WDSUB1: variants seen among roughly 807,000 people sequenced by gnomAD.
WDSUB1 encodes WD repeat, sterile alpha motif and U-box domain containing 1, also known as WD repeat, SAM and U-box domain-containing protein 1.
WDSUB1 carries 49 observed loss-of-function variants against 53.9 expected under a neutral mutation model. That is an observed-to-expected ratio of 0.91 (90% CI 0.72 to 1.15). The LOEUF (loss-of-function observed/expected upper bound fraction) is 1.15. Among genes scored for constraint, WDSUB1 ranks in the 50% most tolerant of loss-of-function variants. The pLI is 0.00. For synonymous variants in WDSUB1, 194 were observed against 200.6 expected (o/e 0.97, Z 0.28); for missense variants, 514 against 562.0 (o/e 0.91, Z 0.86).
rs148455296 is a variant in WDSUB1 at position 159,279,786 on chromosome 2, G to A, written c.558C>T (p.Cys186=). The change falls in exon 3 of 11, where the codon TGC becomes TGT. Residue 186 remains cysteine, a synonymous_variant. Transcript: ENST00000359774. ...CAGAAACTGGCTGTGAAGAAAAATC[G>A]CAGCAGGTAATTCCAAGATCATGTG... ...EKAHDLGITC[C]DFSSQPVSDG... 3.1e-5 allele frequency: 49 copies of A among 1,601,362 alleles called. No homozygotes were observed. The highest frequency in any genetic ancestry group is 2.5e-4 in the African/African-American group (19 of 74,626).
rs372738346 is a variant in WDSUB1 at position 159,271,801 on chromosome 2, A to G, written c.677-6T>C. ...TTTATATTTTAATTCAAAACCTGCA[A>G]ATAACAAGGTAACAGAGATTAGAAA... On this transcript the variant is annotated splice_polypyrimidine_tract_variant and splice_region_variant and intron_variant, in intron 4 of 10. Coordinates refer to ENST00000359774, the MANE Select transcript of WDSUB1 (RefSeq NM_001128212.3). 7.5e-6 allele frequency: 12 copies of G among 1,610,362 alleles called. No individual in the cohort carries two copies. The highest frequency in any genetic ancestry group is 6.7e-5 in the Admixed American group (4 of 59,908).
chr2:159,283,988 G>C (rs2061733477), intron 1 of WDSUB1, among the ~76,000 whole-genome samples: 1 of 151,954 alleles, frequency 6.6e-6, no homozygotes, highest in Non-Finnish European at 1.5e-5. Flanking sequence ...CTAATTTTTT[G>C]TATTTTTAGT....
At chr2:159,250,800 TG>T (rs1344274880) in intron 9 of WDSUB1, among the ~76,000 whole-genome samples, 1 of 151,948 alleles carries the variant, frequency 6.6e-6, no homozygotes, top group Non-Finnish European at 1.5e-5. Context: ...TTTGCTGAAG[TG>T]GGGTATTAGA....
chr2:159,283,820 G>A (rs2061730014), intron 1 of WDSUB1, among the ~76,000 whole-genome samples: 1 of 151,968 alleles, frequency 6.6e-6, no homozygotes, highest in Non-Finnish European at 1.5e-5. Context: ...TTTTGTTTTT[G>A]TTTTGTTTTG....
At chr2:159,274,811 C>T (rs1330083625) in intron 4 of WDSUB1, among the ~76,000 whole-genome samples, 1 of 152,138 alleles carries the variant, frequency 6.6e-6, no homozygotes, top group African/African-American at 2.4e-5. Context: ...AAACAAAGAT[C>T]AGAAAACAGA....
chr2:159,282,622 A>G (rs1246088810), intron 2 of WDSUB1, 50 bp downstream of exon 2: 2 of 1,548,442 alleles, frequency 1.3e-6, no homozygotes, highest in South Asian at 2.4e-5. Flanking sequence ...GTTTTTTTTA[A>G]GTACACCTAG....
Position 159,236,917 on chromosome 2 carries a change from G to A in WDSUB1, c.1274-727C>T, listed in dbSNP as rs116594515. Among the ~76,000 whole-genome samples, 154 of 152,088 alleles carry A rather than the reference G, an allele frequency of 1.0e-3. 1 individual carries two copies. The highest frequency in any genetic ancestry group is 3.5e-3 in the African/African-American group (147 of 41,502). ...ATTACAGGCATGAGCCACCATGCCCGGCCACCAAGGTTTTTTTAAAACCAT... is the reference window on the plus strand; with the variant it reads ...ATTACAGGCATGAGCCACCATGCCCAGCCACCAAGGTTTTTTTAAAACCAT... On this transcript the variant is annotated intron_variant, in intron 10 of 10. Transcript: ENST00000359774.
rs1271512935 is a variant in WDSUB1 at position 159,282,993 on chromosome 2, G to A, written c.77C>T (p.Ala26Val). 3.7e-6 allele frequency: 6 copies of A among 1,614,090 alleles called. No homozygotes were observed. The highest frequency in any genetic ancestry group is 5.1e-6 in the Non-Finnish European group (6 of 1,180,046). ...NCCAFSFSLL[A>V]TCSLDKTIRL... Reference sequence around the variant, plus strand: ...AATTGTTTTGTCCAAGGAGCAAGTAGCCAAGAGGGAAAAGGAGAAGGCACA... The same window carrying A: ...AATTGTTTTGTCCAAGGAGCAAGTAACCAAGAGGGAAAAGGAGAAGGCACA... The change falls in exon 2 of 11, where the codon GCT becomes GTT. Residue 26 changes from alanine to valine, a missense_variant. By Grantham distance (64) the Ala-to-Val change is moderately conservative. Transcript: ENST00000359774.
chr2:159,244,305 T>C (rs1346468796), intron 10 of WDSUB1, among the ~76,000 whole-genome samples: 2 of 151,744 alleles, frequency 1.3e-5, no homozygotes, highest in Non-Finnish European at 2.9e-5. Flanking sequence ...ATGAAGAAAG[T>C]CTATTAAGCT....
rs1219314980 is a variant in WDSUB1, at chr2:159,265,095, A to T, written c.771-5252T>A. On this transcript the variant is annotated intron_variant, in intron 5 of 10. Coordinates refer to ENST00000359774, the MANE Select transcript of WDSUB1 (RefSeq NM_001128212.3). The stretch of plus-strand genomic sequence containing the variant: ...GCGAAACTCCATCTCAAAAAAAAAA[A>T]AAAATAAAACAACAACAACAACAAC... 2.7e-4 allele frequency among the ~76,000 whole-genome samples: 40 copies of T among 146,012 alleles called. No individual in the cohort carries two copies. The South Asian group carries it at 4.2e-3, about 15-fold the overall frequency.
At chr2:159,262,981 G>A (rs1226720347) in intron 5 of WDSUB1, among the ~76,000 whole-genome samples, 1 of 152,088 alleles carries the variant, frequency 6.6e-6, no homozygotes, top group Non-Finnish European at 1.5e-5. Context: ...CATGAGGCAG[G>A]TATTCAACCT....
At chr2:159,264,697 C>T (rs1171426308) in intron 5 of WDSUB1, among the ~76,000 whole-genome samples, 1 of 152,112 alleles carries the variant, frequency 6.6e-6, no homozygotes, top group African/African-American at 2.4e-5. Flanking sequence ...CTGCAGTGGT[C>T]CATGCTGCCC....
intron 9 of WDSUB1, among the ~76,000 whole-genome samples, chr2:159,252,343 AC>A (rs2060968425): frequency 6.6e-6 from 1 of 152,208 alleles, no homozygotes; most frequent in African/African-American, 2.4e-5. Flanking sequence ...GACATTTCCA[AC>A]AAAACAAGAT....
intron 3 of WDSUB1, among the ~76,000 whole-genome samples, chr2:159,277,245 T>C (rs1292251185): frequency 6.6e-6 from 1 of 152,224 alleles, no homozygotes; most frequent in East Asian, 1.9e-4. Flanking sequence ...GTAGCATAGA[T>C]TTACCCAAAA....
chr2:159,276,549 G>A (rs1400052583), intron 3 of WDSUB1, among the ~76,000 whole-genome samples: 1 of 152,162 alleles, frequency 6.6e-6, no homozygotes, highest in Non-Finnish European at 1.5e-5. Flanking sequence ...TGTCCCAGAA[G>A]AGCTACTACA....
rs371504002 is a variant in WDSUB1 at position 159,258,585 on chromosome 2, G to T, written c.805-600C>A. Among the ~76,000 whole-genome samples, 124 of 152,216 alleles carry T rather than the reference G, an allele frequency of 8.1e-4. 3 individuals are homozygous for T. In the South Asian group the frequency reaches 0.024, roughly 29 times the overall value. On this transcript the variant is annotated intron_variant, in intron 6 of 10. Coordinates refer to ENST00000359774, the MANE Select transcript of WDSUB1 (RefSeq NM_001128212.3). ...AAGGCAGGAGAATTGCTTGAACCCG[G>T]GAGGCAGAGGTTGCAGTGAGCCAAG...
chr2:159,237,175 A>G (rs946341399), intron 10 of WDSUB1, among the ~76,000 whole-genome samples: 22 of 152,346 alleles, frequency 1.4e-4, no homozygotes, highest in African/African-American at 4.6e-4. Flanking sequence ...ATCAAGGACT[A>G]GAGTGGTCCC....
rs2061521273 is a variant in WDSUB1, at chr2:159,275,531, A to G, written c.676+15T>C. The stretch of plus-strand genomic sequence containing the variant: ...CCACAAATAATTTTAGAGAAGCACT[A>G]TTTGGCATACATACCTAAGATATGG... On this transcript the variant is annotated intron_variant, in intron 4 of 10. Transcript: ENST00000359774. 1 of 1,570,106 alleles carries G rather than the reference A, an allele frequency of 6.4e-7. No individual in the cohort carries two copies. Among genetic ancestry groups the G allele is most frequent in the Non-Finnish European group, 8.6e-7 (1 of 1,163,060 alleles).
At chr2:159,266,022 T>A (rs938434185) in intron 5 of WDSUB1, among the ~76,000 whole-genome samples, 1 of 152,218 alleles carries the variant, frequency 6.6e-6, no homozygotes, top group African/African-American at 2.4e-5. Flanking sequence ...CTCTTTTCAC[T>A]ATTTATTTTT....
Sources: gnomAD v4.1 joint callset for allele counts (sites outside exome capture counted in the v4.1 genomes callset) on GRCh38, gnomAD v4.1.1 for gene constraint, MANE v1.5 for transcripts, NCBI Gene and HGNC (gene_info 2026-07-23, HGNC 2026-07-21) for gene names.